TMEM156: variants seen among roughly 807,000 people sequenced by gnomAD.
TMEM156 encodes the protein transmembrane protein 156.
Under a neutral mutation model 30.5 loss-of-function variants are expected in TMEM156, and 28 were observed. The observed-to-expected ratio is 0.92, with a 90% CI of 0.68 to 1.26. TMEM156 has a LOEUF of 1.26. TMEM156 is among the 50% of genes most tolerant of loss of function. TMEM156 has a pLI of 0.00. For missense variants in TMEM156, 351 were observed against 340.6 expected (o/e 1.03, Z -0.24); for synonymous variants, 137 against 119.9 (o/e 1.14, Z -0.93).
intron 1 of TMEM156, among the ~76,000 whole-genome samples, chr4:39,023,494 G>A (rs1342372378): frequency 6.6e-6 from 1 of 152,132 alleles, no homozygotes; most frequent in Non-Finnish European, 1.5e-5. Context: ...CAAAAAGATA[G>A]GAGCTACTAA....
At chr4:39,029,055 T>C (rs1330635316) in intron 1 of TMEM156, among the ~76,000 whole-genome samples, 1 of 152,192 alleles carries the variant, frequency 6.6e-6, no homozygotes, top group Non-Finnish European at 1.5e-5. Flanking sequence ...AGATACATTC[T>C]TGATGAAAAA....
rs34889728 is a variant in TMEM156, at chr4:38,999,110, ATTTTTTTTTT to A, written c.89-211_89-202del. On this transcript the variant is annotated intron_variant, in intron 1 of 6. Coordinates refer to ENST00000381938, the MANE Select transcript of TMEM156 (RefSeq NM_024943.3). ...TCTATTTCATTATTTTTATTTATTT[ATTTTTTTTTT>A]TTTTTTTTTTTTTTGAGACTGGATC... Among the ~76,000 whole-genome samples, 393 of 106,110 alleles carry A rather than the reference ATTTTTTTTTT, an allele frequency of 3.7e-3. 6 individuals carry two copies. Among genetic ancestry groups the A allele is most frequent in the African/African-American group, 0.013 (374 of 28,848 alleles). 69.6% of individuals were successfully genotyped at this position (106,110 alleles called of 152,430 possible).
intron 5 of TMEM156, among the ~76,000 whole-genome samples, chr4:38,980,185 TAAAAAAA>T (rs780451036): frequency 4.4e-5 from 5 of 112,420 alleles, no homozygotes; most frequent in Admixed American, 8.9e-5. Flanking sequence ...CCAGATTAAC[TAAAAAAA>T]AAAAAAAAAA....
intron 1 of TMEM156, among the ~76,000 whole-genome samples, chr4:39,019,018 C>T (rs1714684987): frequency 1.1e-5 from 1 of 87,364 alleles, no homozygotes; most frequent in Non-Finnish European, 2.3e-5. Context: ...GAGACTCCAT[C>T]TTAAAAAAAC....
chr4:39,025,233 A>G (rs1248665533), intron 1 of TMEM156, among the ~76,000 whole-genome samples: 1 of 151,768 alleles, frequency 6.6e-6, no homozygotes, highest in Non-Finnish European at 1.5e-5. Flanking sequence ...CTGTAATCCC[A>G]GCTACTTGGC....
intron 1 of TMEM156, among the ~76,000 whole-genome samples, chr4:39,014,126 C>A (rs1313085273): frequency 6.6e-6 from 1 of 151,926 alleles, no homozygotes; most frequent in Non-Finnish European, 1.5e-5. Context: ...TCTTTATTTC[C>A]CAACCATTTT....
At chr4:38,979,430 G>A (rs1213920827) in intron 5 of TMEM156, among the ~76,000 whole-genome samples, 2 of 152,232 alleles carry the variant, frequency 1.3e-5, no homozygotes, top group East Asian at 3.8e-4. Context: ...TAAAGGTAAG[G>A]ATAAAATGAG....
rs373767976 is a variant in TMEM156, at chr4:38,994,277, A to T, written c.359-279T>A. Among the ~76,000 whole-genome samples, 14 of 152,154 alleles carry T rather than the reference A, an allele frequency of 9.2e-5. No homozygotes were observed. In the East Asian group the frequency reaches 1.9e-3, roughly 21 times the overall value. ...GTAGCTGGGACTACAGGTGTATGCC[A>T]CTATGCTCAGCTAATTTTTTTAATT... On this transcript the variant is annotated intron_variant, in intron 2 of 6. Coordinates refer to ENST00000381938, the MANE Select transcript of TMEM156 (RefSeq NM_024943.3).
intron 5 of TMEM156, among the ~76,000 whole-genome samples, chr4:38,979,901 C>G (rs1723093048): frequency 6.6e-6 from 1 of 152,174 alleles, no homozygotes; most frequent in African/African-American, 2.4e-5. Context: ...CAGAGAAATG[C>G]AGAACTTCAA....
At chr4:39,002,474 G>A (rs1400781250) in intron 1 of TMEM156, among the ~76,000 whole-genome samples, 5 of 129,432 alleles carry the variant, frequency 3.9e-5, no homozygotes, top group African/African-American at 1.1e-4. Context: ...AAGTCAGTGC[G>A]GCGATTCCTC....
At chr4:39,007,150 T>A (rs1226062316) in intron 1 of TMEM156, among the ~76,000 whole-genome samples, 1 of 152,186 alleles carries the variant, frequency 6.6e-6, no homozygotes, top group Admixed American at 6.5e-5. Context: ...GTTCCTTTAG[T>A]CCATTTTTCC....
At chr4:39,016,882 T>G (rs1714522753) in intron 1 of TMEM156, among the ~76,000 whole-genome samples, 1 of 152,272 alleles carries the variant, frequency 6.6e-6, no homozygotes, top group East Asian at 1.9e-4. Flanking sequence ...GTAATGGACT[T>G]AAGTTCCACA....
rs1196053510 is a variant in TMEM156 at position 39,031,897 on chromosome 4, A to C, written c.88+329T>G. On this transcript the variant is annotated intron_variant, in intron 1 of 6. Transcript: ENST00000381938. ...CCATCTCAAAAAAAAAAAATAAAAA[A>C]TAAAAAAATAAAAAAAAACTGCTTT... Among the ~76,000 whole-genome samples the C allele has an allele frequency of 3.5e-4, 35 of 99,278 alleles. 1 individual carries two copies. The highest frequency in any genetic ancestry group is 7.7e-4 in the Admixed American group (7 of 9,058). The allele number at this position is 99,278 out of a possible 152,430, so 65.1% of individuals were successfully genotyped here.
At chr4:38,990,646 G>C (rs982211555) in intron 3 of TMEM156, among the ~76,000 whole-genome samples, 4 of 151,986 alleles carry the variant, frequency 2.6e-5, no homozygotes, top group Admixed American at 2.6e-4. Flanking sequence ...TTCTTAGAGA[G>C]GAGCAAGGGG....
chr4:38,990,830 G>GTTTTTTTTTTTTGTTTTGTTTTGTT (rs1560365255), intron 3 of TMEM156, among the ~76,000 whole-genome samples: 2 of 81,216 alleles, frequency 2.5e-5, no homozygotes, highest in Admixed American at 1.5e-4. Flanking sequence ...TTGTTTTCTG[G>GTTTTTTTTTTTTGTTTTGTTTTGTT]TTTTTTTTTT....
At chr4:39,002,047 C>G (rs1440514430) in intron 1 of TMEM156, among the ~76,000 whole-genome samples, 11 of 136,344 alleles carry the variant, frequency 8.1e-5, no homozygotes, top group Non-Finnish European at 1.6e-4. Flanking sequence ...TCTAATTAAA[C>G]TAAAGAGCTT....
At chr4:39,022,761 C>T (rs1446276415) in intron 1 of TMEM156, among the ~76,000 whole-genome samples, 1 of 152,142 alleles carries the variant, frequency 6.6e-6, no homozygotes, top group African/African-American at 2.4e-5. Context: ...CCAGAGGCTA[C>T]TCTAGGTCAA....
At chr4:38,999,118 T>TA (rs1560372113) in intron 1 of TMEM156, among the ~76,000 whole-genome samples, 8 of 47,944 alleles carry the variant, frequency 1.7e-4, no homozygotes, top group African/African-American at 4.4e-4. Context: ...TTATTTTTTT[T>TA]TTTTTTTTTT....
chr4:39,026,852 T>C (rs1398655906), intron 1 of TMEM156, among the ~76,000 whole-genome samples: 2 of 152,028 alleles, frequency 1.3e-5, no homozygotes, highest in African/African-American at 4.8e-5. Flanking sequence ...GCTTGAACCC[T>C]GGGGTTGGAG....
Sources: allele counts gnomAD v4.1 joint callset (sites outside exome capture counted in the v4.1 genomes callset), GRCh38; gene constraint gnomAD v4.1.1; transcripts MANE v1.5; gene names NCBI Gene and HGNC (gene_info 2026-07-23, HGNC 2026-07-21).